The following PABPC1L variants were observed in gnomAD, a reference collection of about 807,000 sequenced individuals.
PABPC1L encodes poly(A) binding protein cytoplasmic 1 like, also known as polyadenylate-binding protein 1-like.
A neutral mutation model predicts 66.6 loss-of-function variants in PABPC1L; 31 were observed. The observed-to-expected ratio is 0.47, with a 90% CI of 0.35 to 0.63. The LOEUF is 0.63. PABPC1L is among the 20% of genes least tolerant of loss of function. The pLI, the probability that PABPC1L is intolerant of heterozygous loss-of-function variation, is 0.00. For missense variants in PABPC1L, 722 were observed against 848.8 expected (o/e 0.85, Z 1.86); for synonymous variants, 348 against 335.1 (o/e 1.04, Z -0.42).
At chr20:44,924,093 C>A in intron 6 of PABPC1L, 68 bp from the exon 7 acceptor site, 2 of 1,333,994 alleles carry the variant, frequency 1.5e-6, no homozygotes, top group Non-Finnish European at 2.2e-6. Flanking sequence ...CGTCAGTTCC[C>A]TGATCTCCCC....
chr20:44,921,367 C>T (rs991752792), intron 5 of PABPC1L, among the ~76,000 whole-genome samples: 3 of 152,068 alleles, frequency 2.0e-5, no homozygotes, highest in South Asian at 2.1e-4. Flanking sequence ...AGGCTGGTCT[C>T]GAATTCCTGA....
intron 12 of PABPC1L, 34 bp from the exon 13 acceptor site, chr20:44,938,027 C>T: frequency 2.5e-6 from 4 of 1,613,714 alleles, no homozygotes; most frequent in Non-Finnish European, 3.4e-6. Context: ...GTGAGCTAGG[C>T]CGTGCACAAG....
intron 10 of PABPC1L, among the ~76,000 whole-genome samples, chr20:44,934,408 T>A (rs1601125361): frequency 6.6e-6 from 1 of 152,348 alleles, no homozygotes; most frequent in East Asian, 1.9e-4. Context: ...TTGTGCACTG[T>A]CACCACCATC....
chr20:44,914,204 C>CTTT (rs1201412446), intron 2 of PABPC1L, among the ~76,000 whole-genome samples: 36,631 of 113,982 alleles, frequency 0.32, 6,539 homozygotes, highest in South Asian at 0.39. Flanking sequence ...TGTGTCAGAA[C>CTTT]TTTTTTTTTT....
At chr20:44,911,336 C>T (rs949514116) in intron 1 of PABPC1L, among the ~76,000 whole-genome samples, 2 of 152,056 alleles carry the variant, frequency 1.3e-5, no homozygotes, top group Non-Finnish European at 2.9e-5. Context: ...TGATGGCGGA[C>T]GCCTGTAATC....
chr20:44,930,214 C>T (rs2066840883), intron 7 of PABPC1L, among the ~76,000 whole-genome samples: 1 of 152,116 alleles, frequency 6.6e-6, no homozygotes, highest in Admixed American at 6.5e-5. Context: ...ACGCTACATC[C>T]CTCCATCACT....
rs754714739 is a variant in PABPC1L at position 44,910,143 on chromosome 20, C to A, written c.-1C>A. On this transcript the variant is annotated 5_prime_UTR_variant, in exon 1 of 15. Transcript: ENST00000217073. ...CCCGCAGCCCCGGCCCCCTGCCCAC[C>A]ATGAACGCCAGCGGTTCTGGCTACC... is the stretch of plus-strand genomic sequence containing the variant. 6.4e-7 allele frequency: 1 copy of A among 1,559,618 alleles called. No individual in the cohort carries two copies. The highest frequency in any genetic ancestry group is 1.2e-5 in the South Asian group (1 of 84,924).
At chr20:44,915,954 T>A (rs2066735115) in intron 2 of PABPC1L, among the ~76,000 whole-genome samples, 1 of 152,220 alleles carries the variant, frequency 6.6e-6, no homozygotes, top group African/African-American at 2.4e-5. Flanking sequence ...ATTTTATGTG[T>A]CTTTTTCAAA....
intron 2 of PABPC1L, among the ~76,000 whole-genome samples, chr20:44,916,348 C>A (rs1300058570): frequency 1.3e-5 from 2 of 152,220 alleles, no homozygotes; most frequent in Non-Finnish European, 2.9e-5. Context: ...TATCAGCTCA[C>A]CGCAACCTCC....
At chr20:44,934,150 G>A (rs1230188029) in intron 10 of PABPC1L, among the ~76,000 whole-genome samples, 1 of 152,156 alleles carries the variant, frequency 6.6e-6, no homozygotes, top group Non-Finnish European at 1.5e-5. Flanking sequence ...TGTAGGTTTT[G>A]GCTGTACAGC....
intron 3 of PABPC1L, among the ~76,000 whole-genome samples, chr20:44,918,656 G>A (rs1302344546): frequency 6.6e-6 from 1 of 152,230 alleles, no homozygotes; most frequent in East Asian, 1.9e-4. Context: ...TAGTAATTAT[G>A]TGTGCATTTG....
intron 10 of PABPC1L, 82 bp downstream of exon 10, chr20:44,933,267 G>A (rs2066876272): frequency 8.5e-7 from 1 of 1,171,404 alleles, no homozygotes; most frequent in African/African-American, 1.5e-5. Flanking sequence ...TGGTGACCTT[G>A]CCATATGCCC....
intron 1 of PABPC1L, among the ~76,000 whole-genome samples, chr20:44,911,646 T>C (rs937769130): frequency 2.0e-5 from 3 of 152,008 alleles, no homozygotes; most frequent in Non-Finnish European, 4.4e-5. Context: ...AGGGAAGGGG[T>C]TGTTCCGCCG....
In PABPC1L at chr20:44,932,478, G is replaced by A. The variant is rs755571295; in HGVS notation, c.1330+46G>A. 8 of 1,530,832 alleles carry A rather than the reference G, an allele frequency of 5.2e-6. No homozygotes were observed. The African/African-American group carries it at 6.9e-5, about 13-fold the overall frequency. 94.8% of individuals were successfully genotyped at this position (1,530,832 alleles called of 1,614,324 possible). ...CACTCTCAGACTGGCCTATTGGTGTGGGCCCCGTGAGGCAGTCATAACACA... is the reference window on the plus strand; with the variant it reads ...CACTCTCAGACTGGCCTATTGGTGTAGGCCCCGTGAGGCAGTCATAACACA... On this transcript the variant is annotated intron_variant, in intron 9 of 14. Transcript: ENST00000217073.
chr20:44,927,682 C>G (rs1238491909), intron 7 of PABPC1L, among the ~76,000 whole-genome samples: 1 of 152,034 alleles, frequency 6.6e-6, no homozygotes, highest in Non-Finnish European at 1.5e-5. Context: ...TGGAACCCTT[C>G]TAAGAATATT....
intron 1 of PABPC1L, among the ~76,000 whole-genome samples, chr20:44,911,619 T>C (rs1322868391): frequency 1.3e-5 from 2 of 152,124 alleles, no homozygotes; most frequent in African/African-American, 4.8e-5. Context: ...GGTGGTTGCC[T>C]GAGTGGGTGG....
At chr20:44,910,693 G>A (rs981751350) in intron 1 of PABPC1L, among the ~76,000 whole-genome samples, 1 of 152,148 alleles carries the variant, frequency 6.6e-6, no homozygotes, top group African/African-American at 2.4e-5. Context: ...TGGAAAATGG[G>A]GGTCCTAGCT....
chr20:44,930,269 G>A (rs188488912), intron 7 of PABPC1L, among the ~76,000 whole-genome samples, 191 bp from the exon 8 acceptor site: 7 of 151,440 alleles, frequency 4.6e-5, no homozygotes, highest in Non-Finnish European at 1.0e-4. Flanking sequence ...ATCACAGCTT[G>A]CTAAACGGGG....
chr20:44,935,508 C>A lies in PABPC1L; in HGVS notation c.1566+11C>A, dbSNP rs1489516385. Reference sequence around the variant, plus strand: ...CATAGCACCTATCGGGTAAGGCCAGCCCAGCTGCCTGCTCTTAGCCTGGGC... The same window carrying A: ...CATAGCACCTATCGGGTAAGGCCAGACCAGCTGCCTGCTCTTAGCCTGGGC... On this transcript the variant is annotated intron_variant, in intron 11 of 14. Transcript: ENST00000217073. The A allele has an allele frequency of 4.3e-6, 7 of 1,611,474 alleles. No homozygotes were observed. The highest frequency in any genetic ancestry group is 5.9e-6 in the Non-Finnish European group (7 of 1,177,862).
Sources: gnomAD v4.1 joint callset for allele counts (sites outside exome capture counted in the v4.1 genomes callset) on GRCh38, gnomAD v4.1.1 for gene constraint, MANE v1.5 for transcripts, NCBI Gene and HGNC (gene_info 2026-07-23, HGNC 2026-07-21) for gene names.